Variants in PARD3 observed in about 807,000 individuals in gnomAD.
PARD3 encodes the protein partitioning defective 3 homolog.
Under a neutral mutation model 155.4 loss-of-function variants are expected in PARD3, and 75 were observed. That is an observed-to-expected ratio of 0.48 (90% CI 0.40 to 0.58). PARD3 has a LOEUF of 0.58. PARD3 is among the 20% of genes least tolerant of loss of function. The probability of loss-of-function intolerance (pLI) is 0.00; values close to 1 mark genes in which losing one functional copy is unlikely to be tolerated. For synonymous variants in PARD3, 576 were observed against 610.5 expected (o/e 0.94, Z 0.83); for missense variants, 1,642 against 1,721.7 (o/e 0.95, Z 0.82).
At chr10:34,783,148 A>G (rs929835474) in intron 1 of PARD3, among the ~76,000 whole-genome samples, 2 of 152,180 alleles carry the variant, frequency 1.3e-5, no homozygotes, top group Non-Finnish European at 2.9e-5. Context: ...AAAAAGCATT[A>G]ATTTGGGAGT....
At chr10:34,300,336 A>G (rs778216339) in intron 20 of PARD3, among the ~76,000 whole-genome samples, 4 of 152,196 alleles carry the variant, frequency 2.6e-5, no homozygotes, top group Non-Finnish European at 4.4e-5. Context: ...AAATGTCACA[A>G]TATTGGAAAA....
intron 3 of PARD3, among the ~76,000 whole-genome samples, chr10:34,505,590 A>G (rs1023841405): frequency 4.0e-5 from 6 of 150,368 alleles, no homozygotes; most frequent in Admixed American, 1.3e-4. Context: ...GACACCCTAC[A>G]GGCAGCCCTG....
At chr10:34,580,826 A>C (rs2087378656) in intron 2 of PARD3, among the ~76,000 whole-genome samples, 1 of 152,158 alleles carries the variant, frequency 6.6e-6, no homozygotes, top group African/African-American at 2.4e-5. Flanking sequence ...AACTTCCAAA[A>C]CTTCAGAACA....
At chr10:34,464,835 T>G (rs552654158) in intron 4 of PARD3, among the ~76,000 whole-genome samples, 2 of 152,312 alleles carry the variant, frequency 1.3e-5, no homozygotes, top group Admixed American at 1.3e-4. Context: ...AGAGCCATGC[T>G]CCACAGAAGT....
rs377609267 is a variant in PARD3 at position 34,280,570 on chromosome 10, A to C, written c.3176+3565T>G. Among the ~76,000 whole-genome samples, 8 of 152,334 alleles carry C rather than the reference A, an allele frequency of 5.3e-5. No individual in the cohort carries two copies. In the East Asian group the frequency reaches 1.5e-3, roughly 29 times the overall value. ...GGTAAGCACGCACTTTCATAAGTCC[A>C]CAAAACAGAAGCCAGAAAGTAGAGA... On this transcript the variant is annotated intron_variant, in intron 21 of 24. Transcript: ENST00000374788.
chr10:34,483,028 T>G lies in PARD3; in HGVS notation c.404-12765A>C, dbSNP rs569155494. Among the ~76,000 whole-genome samples, 102 of 151,016 alleles carry G rather than the reference T, an allele frequency of 6.8e-4. 1 individual carries two copies. The South Asian group carries it at 7.1e-3, about 11-fold the overall frequency. On this transcript the variant is annotated intron_variant, in intron 3 of 24. Coordinates refer to ENST00000374788, the MANE Select transcript of PARD3 (RefSeq NM_001184785.2). The stretch of plus-strand genomic sequence containing the variant: ...AAAATTAGCCAGGTGTGGTGGTGCA[T>G]GCCTGTAATCCCAGCTACTCAGGAG...
At chr10:34,326,710 T>C (rs1014223475) in intron 19 of PARD3, among the ~76,000 whole-genome samples, 14 of 152,196 alleles carry the variant, frequency 9.2e-5, no homozygotes, top group Non-Finnish European at 2.9e-5. Context: ...AGCTCTCATA[T>C]TAGTTGATTT....
At position 34,411,046 on chromosome 10, in the gene PARD3, T is replaced by C. The variant is rs370151029; in HGVS notation, c.715-9129A>G. Among the ~76,000 whole-genome samples, 9 of 152,296 alleles carry C rather than the reference T, an allele frequency of 5.9e-5. No individual in the cohort carries two copies. The East Asian group carries it at 1.4e-3, about 23-fold the overall frequency. On this transcript the variant is annotated intron_variant, in intron 5 of 24. Transcript: ENST00000374788. ...ATCTCTGACCTAGGAGCCTCAGGTC[T>C]TCTGTCAGCAACCATGAAACTGAGG...
intron 2 of PARD3, among the ~76,000 whole-genome samples, chr10:34,547,354 T>C (rs1474962283): frequency 1.3e-5 from 2 of 152,232 alleles, no homozygotes; most frequent in Non-Finnish European, 2.9e-5. Context: ...ATTTTAAACA[T>C]GAACAATATA....
At chr10:34,130,206 C>G (rs1255885981) in intron 23 of PARD3, among the ~76,000 whole-genome samples, 1 of 152,074 alleles carries the variant, frequency 6.6e-6, no homozygotes, top group Non-Finnish European at 1.5e-5. Flanking sequence ...CCACAACTTC[C>G]TAGGCTTGAG....
At chr10:34,564,020 A>G (rs1270871910) in intron 2 of PARD3, among the ~76,000 whole-genome samples, 2 of 152,230 alleles carry the variant, frequency 1.3e-5, no homozygotes, top group Admixed American at 1.3e-4. Context: ...CTTAATGCAA[A>G]TAAAAACTTA....
chr10:34,679,873 A>G (rs2093779377), intron 2 of PARD3, among the ~76,000 whole-genome samples: 1 of 152,170 alleles, frequency 6.6e-6, no homozygotes, highest in African/African-American at 2.4e-5. Context: ...TACAAGTGGA[A>G]GCCAAACAGT....
At chr10:34,314,650 C>T (rs1957898001) in intron 20 of PARD3, among the ~76,000 whole-genome samples, 1 of 152,150 alleles carries the variant, frequency 6.6e-6, no homozygotes, top group South Asian at 2.1e-4. Context: ...GCCACCATGG[C>T]AAATTTTCAG....
intron 2 of PARD3, among the ~76,000 whole-genome samples, chr10:34,599,652 G>A (rs1368593464): frequency 6.6e-6 from 1 of 152,118 alleles, no homozygotes; most frequent in African/African-American, 2.4e-5. Context: ...CAACTGAAGA[G>A]ATTCTCTCAT....
rs572524370 is a variant in PARD3 at position 34,568,076 on chromosome 10, C to G, written c.223-50917G>C. ...GTGGGGTAATCGAATATTCTGCTCT[C>G]TCACCTCTGCCTCCCAGTGTCCATC... On this transcript the variant is annotated intron_variant, in intron 2 of 24. Transcript: ENST00000374788. 2.0e-5 allele frequency among the ~76,000 whole-genome samples: 3 copies of G among 152,338 alleles called. No individual in the cohort carries two copies. The East Asian group carries it at 5.8e-4, about 29-fold the overall frequency.
chr10:34,233,462 C>G (rs1953046930), intron 22 of PARD3, among the ~76,000 whole-genome samples: 1 of 152,042 alleles, frequency 6.6e-6, no homozygotes, highest in Non-Finnish European at 1.5e-5. Context: ...TAAATACCAT[C>G]TGCATGTTGA....
At chr10:34,113,283 G>A (rs1236752988) in intron 24 of PARD3, among the ~76,000 whole-genome samples, 5 of 152,094 alleles carry the variant, frequency 3.3e-5, no homozygotes, top group Non-Finnish European at 7.4e-5. Context: ...TGCACCCTAA[G>A]TGGATTCTGC....
chr10:34,795,625 G>A (rs141054837), intron 1 of PARD3, among the ~76,000 whole-genome samples: 10 of 150,312 alleles, frequency 6.7e-5, no homozygotes, highest in African/African-American at 1.7e-4. Flanking sequence ...AAAACCGGGC[G>A]TGGTGGCTCA....
chr10:34,495,573 C>T (rs1028261647), intron 3 of PARD3, among the ~76,000 whole-genome samples: 5 of 152,158 alleles, frequency 3.3e-5, no homozygotes, highest in Non-Finnish European at 7.3e-5. Context: ...TCTCTGAATA[C>T]CCTTTCCCAT....
Sources: allele counts gnomAD v4.1 joint callset (sites outside exome capture counted in the v4.1 genomes callset), GRCh38; gene constraint gnomAD v4.1.1; transcripts MANE v1.5; gene names NCBI Gene and HGNC (gene_info 2026-07-23, HGNC 2026-07-21).